Variants in RCAN2 observed in about 807,000 individuals in gnomAD.
RCAN2 encodes calcipressin-2.
A neutral mutation model predicts 23.6 loss-of-function variants in RCAN2; 9 were observed. The ratio of observed to expected loss-of-function variants is 0.38; its 90% confidence interval spans 0.23 to 0.67. The LOEUF (loss-of-function observed/expected upper bound fraction) is 0.67. Among genes scored for constraint, RCAN2 ranks in the 30% least tolerant of loss-of-function variants. The pLI, the probability that RCAN2 is intolerant of heterozygous loss-of-function variation, is 0.51. For synonymous variants in RCAN2, 109 were observed against 115.7 expected (o/e 0.94, Z 0.37); for missense variants, 273 against 302.3 (o/e 0.90, Z 0.72).
intron 2 of RCAN2, among the ~76,000 whole-genome samples, chr6:46,324,619 A>G (rs890109909): frequency 6.6e-6 from 1 of 152,242 alleles, no homozygotes; most frequent in African/African-American, 2.4e-5. Context: ...GAGAAAAAAT[A>G]AACATTTCCA....
intron 2 of RCAN2, among the ~76,000 whole-genome samples, chr6:46,272,898 G>A (rs1425015376): frequency 6.6e-6 from 1 of 152,102 alleles, no homozygotes; most frequent in East Asian, 1.9e-4. Flanking sequence ...TTTAAATGGA[G>A]GTTCCAAGAT....
intron 2 of RCAN2, among the ~76,000 whole-genome samples, chr6:46,283,891 T>C (rs1762284916): frequency 6.6e-6 from 1 of 152,218 alleles, no homozygotes; most frequent in Admixed American, 6.5e-5. Context: ...AATTTTTAAG[T>C]ACTGAGCAAA....
chr6:46,440,085 C>G (rs939494620), intron 2 of RCAN2, among the ~76,000 whole-genome samples: 13 of 152,156 alleles, frequency 8.5e-5, no homozygotes, highest in Admixed American at 8.5e-4. Context: ...AGCATCTTCC[C>G]ATGAAATAAT....
At chr6:46,457,135 G>A (rs1184537901) in intron 1 of RCAN2, among the ~76,000 whole-genome samples, 157 bp from the exon 2 acceptor site, 1 of 152,154 alleles carries the variant, frequency 6.6e-6, no homozygotes, top group African/African-American at 2.4e-5. Flanking sequence ...AAGTTCACAT[G>A]GTTCCCTTGA....
intron 1 of RCAN2, among the ~76,000 whole-genome samples, chr6:46,488,137 C>G (rs1769044915): frequency 6.6e-6 from 1 of 152,204 alleles, no homozygotes; most frequent in Non-Finnish European, 1.5e-5. Flanking sequence ...GCAAAAAACA[C>G]ATTCCAGGAT....
intron 2 of RCAN2, among the ~76,000 whole-genome samples, chr6:46,417,779 G>A (rs1766754981): frequency 1.3e-5 from 2 of 152,188 alleles, no homozygotes; most frequent in Admixed American, 6.5e-5. Context: ...TTGTGTGACA[G>A]GTCTAATGCT....
intron 4 of RCAN2, among the ~76,000 whole-genome samples, chr6:46,232,078 AG>A (rs199879934): frequency 0.015 from 2,219 of 152,348 alleles, 53 homozygotes; most frequent in African/African-American, 0.051. Flanking sequence ...AGTCTGATAC[AG>A]AAGAAGACAG....
intron 2 of RCAN2, among the ~76,000 whole-genome samples, chr6:46,276,020 A>G (rs1767686567): frequency 6.6e-6 from 1 of 152,168 alleles, no homozygotes; most frequent in Non-Finnish European, 1.5e-5. Flanking sequence ...AGCTTGGCCA[A>G]TATGGTGAAA....
intron 2 of RCAN2, among the ~76,000 whole-genome samples, chr6:46,290,490 C>T (rs1270838097): frequency 1.3e-5 from 2 of 152,160 alleles, no homozygotes; most frequent in East Asian, 3.9e-4. Flanking sequence ...TGGAAGCCTG[C>T]AGCATTTGAA....
chr6:46,416,887 G>A (rs1191422658), intron 2 of RCAN2, among the ~76,000 whole-genome samples: 1 of 151,962 alleles, frequency 6.6e-6, no homozygotes, highest in Non-Finnish European at 1.5e-5. Flanking sequence ...TTTTTTCTGT[G>A]CTTATTATAG....
intron 2 of RCAN2, among the ~76,000 whole-genome samples, chr6:46,283,510 T>A (rs1329351982): frequency 6.6e-6 from 1 of 152,130 alleles, no homozygotes; most frequent in East Asian, 1.9e-4. Context: ...AAACTAATAT[T>A]AGCCAGGGCC....
At position 46,467,209 on chromosome 6, in the gene RCAN2, G is replaced by A. The variant is rs574639933; in HGVS notation, c.-2-10231C>T. Reference sequence around the variant, plus strand: ...TCTTGTAGCTACTAAACAGGACCTTGCACTTGGAAGGTAACTTCTGACATT... The same window carrying A: ...TCTTGTAGCTACTAAACAGGACCTTACACTTGGAAGGTAACTTCTGACATT... On this transcript the variant is annotated intron_variant, in intron 1 of 4. Transcript: ENST00000371374. 3.3e-3 allele frequency among the ~76,000 whole-genome samples: 508 copies of A among 152,294 alleles called. 3 individuals carry two copies. The highest frequency in any genetic ancestry group is 0.01 in the Middle Eastern group (3 of 294).
chr6:46,398,808 T>C (rs1766162848), intron 2 of RCAN2, among the ~76,000 whole-genome samples: 4 of 152,120 alleles, frequency 2.6e-5, no homozygotes, highest in Admixed American at 2.6e-4. Context: ...GATTTAACTT[T>C]AGCAAAGAGC....
chr6:46,374,480 T>C (rs1042368349), intron 2 of RCAN2, among the ~76,000 whole-genome samples: 1 of 152,224 alleles, frequency 6.6e-6, no homozygotes, highest in African/African-American at 2.4e-5. Context: ...TATAATTATA[T>C]TGCCATTGTG....
At chr6:46,282,477 AAAACAAAC>A (rs147302163) in intron 2 of RCAN2, among the ~76,000 whole-genome samples, 3,089 of 150,742 alleles carry the variant, frequency 0.02, 94 homozygotes, top group African/African-American at 0.068. Flanking sequence ...ACTCTGTCTC[AAAACAAAC>A]AAACAAACAA....
chr6:46,262,550 G>T (rs1767145322), intron 2 of RCAN2, among the ~76,000 whole-genome samples: 1 of 150,458 alleles, frequency 6.6e-6, no homozygotes, highest in Non-Finnish European at 1.5e-5. Context: ...GAGTTCAGGA[G>T]TTTGAGACCA....
chr6:46,387,782 T>G (rs1486618983), intron 2 of RCAN2, among the ~76,000 whole-genome samples: 1 of 152,236 alleles, frequency 6.6e-6, no homozygotes, highest in Non-Finnish European at 1.5e-5. Context: ...TAAATCATGC[T>G]GCTATAAAGA....
chr6:46,330,388 C>T (rs532862865), intron 2 of RCAN2, among the ~76,000 whole-genome samples: 1 of 152,324 alleles, frequency 6.6e-6, no homozygotes, highest in Admixed American at 6.5e-5. Flanking sequence ...TCACCCACTT[C>T]CATACTCACT....
At chr6:46,284,767 C>T (rs913278687) in intron 2 of RCAN2, among the ~76,000 whole-genome samples, 1 of 152,226 alleles carries the variant, frequency 6.6e-6, no homozygotes, top group Non-Finnish European at 1.5e-5. Context: ...TGTATTCCTG[C>T]AGCTCTGTCT....
Sources: allele counts gnomAD v4.1 joint callset (sites outside exome capture counted in the v4.1 genomes callset), GRCh38; gene constraint gnomAD v4.1.1; transcripts MANE v1.5; gene names NCBI Gene and HGNC (gene_info 2026-07-23, HGNC 2026-07-21).